Variants in MCM9 observed in about 807,000 individuals in gnomAD.
MCM9 encodes the protein minichromosome maintenance 9 homologous recombination repair factor, also known as DNA helicase MCM9.
A neutral mutation model predicts 72.8 loss-of-function variants in MCM9; 55 were observed. The observed-to-expected ratio is 0.76, with a 90% CI of 0.61 to 0.95. The LOEUF (loss-of-function observed/expected upper bound fraction) is 0.95, where lower values mean the gene tolerates loss of function less well. Ranked by LOEUF, MCM9 falls within the 40% of genes least tolerant of loss-of-function variation. MCM9 has a pLI of 0.00. For synonymous variants in MCM9, 480 were observed against 503.4 expected (o/e 0.95, Z 0.62); for missense variants, 1,279 against 1,377.0 (o/e 0.93, Z 1.13).
Position 118,929,864 on chromosome 6 carries a change from A to G in MCM9, c.304+1556T>C, listed in dbSNP as rs75379834. ...TTTTTCTTGATCCCATCAAGAGATT[A>G]TCTAGTACCCTGATGCATAATGATT... On this transcript the variant is annotated intron_variant, in intron 3 of 13. Transcript: ENST00000619706. 6.4e-4 allele frequency among the ~76,000 whole-genome samples: 98 copies of G among 152,256 alleles called. No homozygotes were observed. In the East Asian group the frequency reaches 0.017, roughly 27 times the overall value.
chr6:118,885,749 A>G (rs1012003788), intron 8 of MCM9, among the ~76,000 whole-genome samples: 2 of 152,228 alleles, frequency 1.3e-5, no homozygotes, highest in African/African-American at 4.8e-5. Context: ...TTAAAGAATC[A>G]AACACCAAAT....
intron 8 of MCM9, among the ~76,000 whole-genome samples, chr6:118,883,384 C>G (rs143871260): frequency 0.024 from 3,563 of 150,948 alleles, 161 homozygotes; most frequent in African/African-American, 0.082. Flanking sequence ...TTGGGAGTAC[C>G]AGAAGGAGGG....
At chr6:118,877,864 T>G (rs1256474145) in intron 8 of MCM9, among the ~76,000 whole-genome samples, 2 of 152,058 alleles carry the variant, frequency 1.3e-5, no homozygotes, top group Non-Finnish European at 2.9e-5. Flanking sequence ...GCATAACAAT[T>G]AAAAAACAAA....
At chr6:118,845,761 A>G (rs1775819151) in intron 9 of MCM9, among the ~76,000 whole-genome samples, 1 of 151,870 alleles carries the variant, frequency 6.6e-6, no homozygotes, top group Non-Finnish European at 1.5e-5. Flanking sequence ...CCTAAAGGTT[A>G]TCTATTTACT....
At chr6:118,897,141 C>T (rs537869543) in intron 8 of MCM9, among the ~76,000 whole-genome samples, 4 of 152,264 alleles carry the variant, frequency 2.6e-5, no homozygotes, top group African/African-American at 9.6e-5. Flanking sequence ...CCAGCCCAAA[C>T]TATAGAATAT....
At chr6:118,869,853 A>G (rs1777485956) in intron 8 of MCM9, among the ~76,000 whole-genome samples, 1 of 152,150 alleles carries the variant, frequency 6.6e-6, no homozygotes, top group Non-Finnish European at 1.5e-5. Context: ...GGGTAGCTAC[A>G]TTTATTTCAG....
chr6:118,899,959 CAA>C (rs1779691671), intron 8 of MCM9, among the ~76,000 whole-genome samples: 1 of 152,142 alleles, frequency 6.6e-6, no homozygotes, highest in African/African-American at 2.4e-5. Flanking sequence ...GAGACTCCTC[CAA>C]AGAGTTCTAC....
At position 118,893,975 on chromosome 6, in the gene MCM9, G is replaced by A. The variant is rs973463131; in HGVS notation, c.1150+17675C>T. 1.2e-5 allele frequency: 12 copies of A among 979,490 alleles called. No individual in the cohort carries two copies. The South Asian group carries it at 2.8e-4, about 23-fold the overall frequency. The allele number at this position is 979,490 out of a possible 1,614,324, so 60.7% of individuals were successfully genotyped here. On this transcript the variant is annotated intron_variant, in intron 8 of 13. Transcript: ENST00000619706. ...GGCCACGCCCCCTCCGCCCCTCTCC[G>A]CGCCGCCGCCGGCGGCCTCCGCGCG...
chr6:118,931,430 G>C lies in MCM9; in HGVS notation c.294C>G (p.Ala98=). ...CCTTAAGTGATTTACCTGATATCCT[G>C]GCATGAAGATTCTGTTTCATGGAAA... ...EAVSMKQNLH[A]RISGLPVCPE... is the part of the protein sequence containing the mutation. Residue 98 remains alanine (A), a synonymous_variant, in exon 3 of 14, where the codon GCC becomes GCG. Coordinates refer to ENST00000619706, the MANE Select transcript of MCM9 (RefSeq NM_017696.3). 6.2e-7 allele frequency: 1 copy of C among 1,609,428 alleles called. No individual in the cohort carries two copies. Among genetic ancestry groups the C allele is most frequent in the South Asian group, 1.1e-5 (1 of 90,976 alleles).
intron 8 of MCM9, chr6:118,900,857 A>G: frequency 6.2e-7 from 1 of 1,613,084 alleles, no homozygotes; most frequent in Non-Finnish European, 8.5e-7. Flanking sequence ...CTGTTCCCGC[A>G]GGAAGGCATA....
At chr6:118,891,093 A>G (rs2114452552) in intron 8 of MCM9, among the ~76,000 whole-genome samples, 1 of 152,324 alleles carries the variant, frequency 6.6e-6, no homozygotes, top group Non-Finnish European at 1.5e-5. Flanking sequence ...TATGACCTCA[A>G]TTTGACTTCA....
chr6:118,915,485 C>A (rs1780865568), intron 6 of MCM9, among the ~76,000 whole-genome samples: 2 of 152,250 alleles, frequency 1.3e-5, no homozygotes, highest in Admixed American at 1.3e-4. Context: ...CATCTAAGCA[C>A]CAGGGTCAAG....
chr6:118,931,630 T>C lies in MCM9; in HGVS notation c.94A>G (p.Arg32Gly), dbSNP rs377754318. The C allele has an allele frequency of 1.9e-5, 31 of 1,614,028 alleles. No individual in the cohort carries two copies. In the African/African-American group the frequency reaches 3.6e-4, roughly 19 times the overall value. The change falls in exon 3 of 14, where the codon AGG becomes GGG. Residue 32 changes from arginine to glycine, a missense_variant. Coordinates refer to ENST00000619706, the MANE Select transcript of MCM9 (RefSeq NM_017696.3). ...KNDILLILKE[R>G]DEDAHYPVVV... ...ACTGGGTAATGAGCATCTTCATCCC[T>C]TTCCTTCAAGATTAGAAGAATATCA...
chr6:118,902,299 A>G (rs1340849049), intron 8 of MCM9, among the ~76,000 whole-genome samples: 1 of 152,150 alleles, frequency 6.6e-6, no homozygotes, highest in African/African-American at 2.4e-5. Flanking sequence ...TAAAATGTGG[A>G]TAATATTCTA....
intron 8 of MCM9, among the ~76,000 whole-genome samples, chr6:118,869,067 T>C (rs955465713): frequency 2.6e-5 from 4 of 152,162 alleles, no homozygotes; most frequent in Admixed American, 2.6e-4. Context: ...ATATACACCA[T>C]GGAATACTAT....
At chr6:118,930,359 G>A (rs1205731329) in intron 3 of MCM9, among the ~76,000 whole-genome samples, 2 of 152,054 alleles carry the variant, frequency 1.3e-5, no homozygotes, top group East Asian at 3.9e-4. Flanking sequence ...CGATCTGCCC[G>A]CCTTGGCCTC....
chr6:118,893,999 C>T (rs1426274646), intron 8 of MCM9: 25 of 984,658 alleles, frequency 2.5e-5, no homozygotes, highest in Non-Finnish European at 1.9e-5. Context: ...GGCCTCCGCG[C>T]GGGCCTCCCA....
At chr6:118,860,215 T>C (rs144592683) in intron 8 of MCM9, among the ~76,000 whole-genome samples, 8,239 of 151,996 alleles carry the variant, frequency 0.054, 327 homozygotes, top group East Asian at 0.19. Flanking sequence ...ATGATTAATA[T>C]GCTAAGAGAT....
intron 8 of MCM9, among the ~76,000 whole-genome samples, chr6:118,876,290 T>C (rs993266632): frequency 6.6e-6 from 1 of 152,216 alleles, no homozygotes; most frequent in East Asian, 1.9e-4. Context: ...AACTATTTTG[T>C]ACAATACCAT....
Sources: gnomAD v4.1 joint callset for allele counts (sites outside exome capture counted in the v4.1 genomes callset) on GRCh38, gnomAD v4.1.1 for gene constraint, MANE v1.5 for transcripts, NCBI Gene and HGNC (gene_info 2026-07-23, HGNC 2026-07-21) for gene names.